MSH5: variants seen among roughly 807,000 people sequenced by gnomAD.
MSH5 encodes mutS protein homolog 5.
In MSH5, 78 loss-of-function variants were observed where a neutral mutation model predicts 107.7. That is an observed-to-expected ratio of 0.72 (90% CI 0.60 to 0.87). The LOEUF (loss-of-function observed/expected upper bound fraction) is 0.87, where lower values mean the gene tolerates loss of function less well. MSH5 is among the 40% of genes least tolerant of loss of function. MSH5 has a pLI of 0.00. For synonymous variants in MSH5, 326 were observed against 399.5 expected (o/e 0.82, Z 2.19); for missense variants, 889 against 1,046.6 (o/e 0.85, Z 2.08).
chr6:31,745,505 G>C (rs1014375650), intron 9 of MSH5, among the ~76,000 whole-genome samples, 186 bp downstream of exon 9: 1 of 151,214 alleles, frequency 6.6e-6, no homozygotes, highest in African/African-American at 2.4e-5. Context: ...CCCATACTTT[G>C]TGGCTGTACA....
At position 31,759,004 on chromosome 6, in the gene MSH5, A is replaced by G; in HGVS notation, c.1327-93A>G. Reference sequence around the variant, plus strand: ...AGAACATGAACACTTTTTTGTGGGGATACAGGGATCTTTTAAGCTCCCTCT... The same window carrying G: ...AGAACATGAACACTTTTTTGTGGGGGTACAGGGATCTTTTAAGCTCCCTCT... On this transcript the variant is annotated intron_variant, in intron 15 of 24. Transcript: ENST00000375750. The surrounding 1 kb of genome is among the most constrained non-coding windows in gnomAD (Gnocchi z 4.7). The G allele has an allele frequency of 7.1e-7, 1 of 1,418,246 alleles. No homozygotes were observed. The highest frequency in any genetic ancestry group is 1.0e-6 in the Non-Finnish European group (1 of 1,003,542). The allele number at this position is 1,418,246 out of a possible 1,614,324, so 87.9% of individuals were successfully genotyped here.
chr6:31,745,668 G>C (rs1255882591), intron 9 of MSH5, among the ~76,000 whole-genome samples: 12 of 151,424 alleles, frequency 7.9e-5, no homozygotes. Context: ...TATTTGATTT[G>C]TATAGAGTCT....
chr6:31,747,702 C>T (rs188743283), intron 10 of MSH5, among the ~76,000 whole-genome samples: 42 of 152,096 alleles, frequency 2.8e-4, no homozygotes, highest in Non-Finnish European at 4.6e-4. Flanking sequence ...ATACAAGCAG[C>T]AGGAAAAAAC....
At chr6:31,762,344 C>G in intron 24 of MSH5, 76 bp from the exon 25 acceptor site, 17 of 1,359,972 alleles carry the variant, frequency 1.3e-5, no homozygotes, top group Non-Finnish European at 1.8e-5. Context: ...GTTTTCTGTG[C>G]CACAGCCTCT....
In MSH5 at chr6:31,744,268, G is replaced by C; in HGVS notation, c.616G>C (p.Val206Leu). 3 of 1,614,112 alleles carry C rather than the reference G, an allele frequency of 1.9e-6. No individual in the cohort carries two copies. In the East Asian group the frequency reaches 6.7e-5, roughly 36 times the overall value. ...GVELEDYNVSVPILGFKKFML... is the reference protein window; with the variant it reads ...GVELEDYNVSLPILGFKKFML... The stretch of plus-strand genomic sequence containing the variant: ...TGAACTGGAAGACTATAATGTCAGC[G>C]TCCCCATCCTGGGCTTTAAGAAATT... The change falls in exon 7 of 25, where the codon GTC becomes CTC. Residue 206 changes from valine (V) to leucine (L), a missense_variant. By Grantham distance (32) the Val-to-Leu change is conservative. Coordinates refer to ENST00000375750, the MANE Select transcript of MSH5 (RefSeq NM_172166.4).
Position 31,758,733 on chromosome 6 carries a change from CT to C in MSH5, c.1217-29del, listed in dbSNP as rs1407358325. On this transcript the variant is annotated intron_variant, in intron 14 of 24. Transcript: ENST00000375750. This position sits in a 1 kb window ranked among gnomAD's most constrained non-coding sequence, Gnocchi z 5.1. ...CATAGCAACCAGGGCAGGAGACTCA[CT>C]TTTGATAACCACGTGTCTTCCACCC... 6 of 1,611,600 alleles carry C rather than the reference CT, an allele frequency of 3.7e-6. No homozygotes were observed. The highest frequency in any genetic ancestry group is 5.1e-6 in the Non-Finnish European group (6 of 1,177,700).
At position 31,761,484 on chromosome 6, in the gene MSH5, G is replaced by C. The variant is rs561487480; in HGVS notation, c.2050G>C (p.Ala684Pro). The C allele has an allele frequency of 1.2e-6, 2 of 1,613,030 alleles. No individual in the cohort carries two copies. The highest frequency in any genetic ancestry group is 3.3e-5 in the Admixed American group (2 of 60,012). ...GCCCTCTTTGCAGGTGGATGGGCTC[G>C]CGCTTCTGGCCGCTGTGCTCCGACA... ...GKGTNTVDGLALLAAVLRHWL... is the reference protein window; with the variant it reads ...GKGTNTVDGLPLLAAVLRHWL... The change falls in exon 22 of 25, where the codon GCG (alanine) becomes CCG (proline). Residue 684 changes from alanine to proline, a missense_variant. Ala to Pro is a conservative substitution (Grantham distance 27, BLOSUM62 -1). Transcript: ENST00000375750. This position sits in a 1 kb window ranked among gnomAD's most constrained non-coding sequence, Gnocchi z 5.3.
At chr6:31,744,625 G>A in intron 8 of MSH5, 44 bp downstream of exon 8, 1 of 1,606,160 alleles carries the variant, frequency 6.2e-7, no homozygotes, top group Non-Finnish European at 8.5e-7. Context: ...GAGGGAGAAG[G>A]ATTAAGTTTA....
At chr6:31,754,210 T>C (rs1810239770) in intron 12 of MSH5, among the ~76,000 whole-genome samples, 1 of 151,314 alleles carries the variant, frequency 6.6e-6, no homozygotes, top group Admixed American at 6.6e-5. Flanking sequence ...ATTGCAGTGG[T>C]GCGATCTCGG....
intron 10 of MSH5, among the ~76,000 whole-genome samples, chr6:31,748,124 C>T (rs1317582287): frequency 1.3e-5 from 2 of 152,152 alleles, no homozygotes; most frequent in South Asian, 2.1e-4. Flanking sequence ...TTTTGAACTC[C>T]GTATGTGAAT....
intron 10 of MSH5, among the ~76,000 whole-genome samples, chr6:31,752,316 G>A (rs1473889349): frequency 6.6e-6 from 1 of 151,444 alleles, no homozygotes; most frequent in Non-Finnish European, 1.5e-5. Context: ...GCGGGTGCCT[G>A]TAATTCCAGA....
chr6:31,759,452 CG>C lies in MSH5; in HGVS notation c.1436del (p.Arg479LeufsTer26). Reference protein sequence around the residue: ...MFLSEEKLHYRSARTKELDAL... With the variant: ...MFLSEEKLHYXSARTKELDAL... The stretch of plus-strand genomic sequence containing the variant: ...TCTCTCAGAGGAGAAGCTGCACTAT[CG>C]TAGTGCCCGAACCAAGGAGCTGGAT... On this transcript the variant is annotated frameshift_variant, in exon 17 of 25. Transcript: ENST00000375750. LOFTEE classifies it high-confidence loss of function. This position sits in a 1 kb window ranked among gnomAD's most constrained non-coding sequence, Gnocchi z 4.7. 1 of 1,612,698 alleles carries C rather than the reference CG, an allele frequency of 6.2e-7. No homozygotes were observed. The highest frequency in any genetic ancestry group is 1.1e-5 in the South Asian group (1 of 91,068).
intron 10 of MSH5, among the ~76,000 whole-genome samples, chr6:31,750,753 T>C (rs1202435943): frequency 6.6e-6 from 1 of 152,174 alleles, no homozygotes; most frequent in Non-Finnish European, 1.5e-5. Context: ...TTCATTCAAA[T>C]CTGGGGTGTT....
At chr6:31,747,502 C>A in intron 10 of MSH5, 70 bp downstream of exon 10, 1 of 1,519,652 alleles carries the variant, frequency 6.6e-7, no homozygotes. Flanking sequence ...CTAAAGCCTA[C>A]TAATGGCAGT....
At position 31,760,297 on chromosome 6, in the gene MSH5, T is replaced by C; in HGVS notation, c.1812+81T>C. 6.7e-7 allele frequency: 1 copy of C among 1,502,332 alleles called. No homozygotes were observed. The allele number at this position is 1,502,332 out of a possible 1,614,324, so 93.1% of individuals were successfully genotyped here. On this transcript the variant is annotated intron_variant, in intron 19 of 24. Coordinates refer to ENST00000375750, the MANE Select transcript of MSH5 (RefSeq NM_172166.4). The surrounding 1 kb of genome is among the most constrained non-coding windows in gnomAD (Gnocchi z 5.6). The stretch of plus-strand genomic sequence containing the variant: ...CTACTTGCCAGCCAACTCAGGCTCC[T>C]GCAGCTCTTCTCCCATTTTCTGACC...
At position 31,740,262 on chromosome 6, in the gene MSH5, T is replaced by G; in HGVS notation, c.-13-192T>G. On this transcript the variant is annotated intron_variant, in intron 1 of 24. Coordinates refer to ENST00000375750, the MANE Select transcript of MSH5 (RefSeq NM_172166.4). This position sits in a 1 kb window ranked among gnomAD's most constrained non-coding sequence, Gnocchi z 4.4. Reference sequence around the variant, plus strand: ...AGGAATGAGGGTGGGGCGCGTGGAGTTTCCCACAATCTGTACTTTAGTTAA... The same window carrying G: ...AGGAATGAGGGTGGGGCGCGTGGAGGTTCCCACAATCTGTACTTTAGTTAA... The G allele has an allele frequency of 1.9e-6, 1 of 528,822 alleles. No homozygotes were observed. The allele number at this position is 528,822 out of a possible 1,614,324, so 32.8% of individuals were successfully genotyped here. A position where few individuals can be genotyped will look rare whatever the true frequency, so the allele number is the denominator to read the frequency against.
At chr6:31,762,042 A>G in intron 23 of MSH5, 70 bp from the exon 24 acceptor site, 1 of 1,612,254 alleles carries the variant, frequency 6.2e-7, no homozygotes, top group Non-Finnish European at 8.5e-7. Context: ...GGTCCACAGG[A>G]TTTCTGACCC....
chr6:31,744,321 C>T (rs1221710170), intron 7 of MSH5, 22 bp downstream of exon 7: 3 of 1,613,724 alleles, frequency 1.9e-6, no homozygotes, highest in Non-Finnish European at 1.7e-6. Context: ...ACCCCAACCC[C>T]AACCAAAGTA....
At chr6:31,741,573 G>A (rs1808910886) in intron 3 of MSH5, among the ~76,000 whole-genome samples, 2 of 151,948 alleles carry the variant, frequency 1.3e-5, no homozygotes, top group Non-Finnish European at 2.9e-5. Flanking sequence ...TAGCACAGAC[G>A]GTGTTTCACC....
Sources: gnomAD v4.1 joint callset for allele counts (sites outside exome capture counted in the v4.1 genomes callset) on GRCh38, gnomAD v4.1.1 for gene constraint, Gnocchi (gnomAD v3.1) non-coding constraint, MANE v1.5 for transcripts, NCBI Gene and HGNC (gene_info 2026-07-23, HGNC 2026-07-21) for gene names.